Variants in CFAP54 observed in about 807,000 individuals in gnomAD.
The protein encoded by CFAP54 is cilia and flagella associated protein 54.
In CFAP54, 290 loss-of-function variants were observed where a neutral mutation model predicts 370.4. The ratio of observed to expected loss-of-function variants is 0.78; its 90% CI spans 0.71 to 0.86. The LOEUF (loss-of-function observed/expected upper bound fraction) is 0.86, where lower values mean the gene tolerates loss of function less well. CFAP54 is among the 40% of genes least tolerant of loss of function. The probability of loss-of-function intolerance (pLI) is 0.00; values close to 1 mark genes in which losing one functional copy is unlikely to be tolerated. For missense variants in CFAP54, 3,399 were observed against 3,528.7 expected (o/e 0.96, Z 0.93); for synonymous variants, 1,206 against 1,236.5 (o/e 0.98, Z 0.52).
At chr12:96,675,937 T>C (rs1204148985) in intron 39 of CFAP54, among the ~76,000 whole-genome samples, 1 of 150,322 alleles carries the variant, frequency 6.7e-6, no homozygotes, top group African/African-American at 2.5e-5. Context: ...GAGGCCTGTT[T>C]TGGGGTGGGG....
chr12:96,738,030 C>T (rs1394102764), intron 50 of CFAP54, among the ~76,000 whole-genome samples: 2 of 152,070 alleles, frequency 1.3e-5, no homozygotes, highest in African/African-American at 4.8e-5. Context: ...GTGTGGAGAC[C>T]AGGACTGCAA....
At chr12:96,808,860 C>T (rs1267399308) in intron 63 of CFAP54, among the ~76,000 whole-genome samples, 1 of 152,320 alleles carries the variant, frequency 6.6e-6, no homozygotes. Flanking sequence ...ACCATGACTA[C>T]ATTCCCCTTA....
At chr12:96,759,285 G>C in intron 58 of CFAP54, among the ~76,000 whole-genome samples, 1 of 124,934 alleles carries the variant, frequency 8.0e-6, no homozygotes, top group Non-Finnish European at 1.7e-5. Flanking sequence ...TTTATTTCCA[G>C]TAACAGAAAA....
intron 49 of CFAP54, among the ~76,000 whole-genome samples, chr12:96,719,920 CT>C (rs1957728410): frequency 6.6e-6 from 1 of 152,144 alleles, no homozygotes; most frequent in South Asian, 2.1e-4. Flanking sequence ...GAAGTGAGTG[CT>C]ATTGGCTGTG....
At chr12:96,609,075 C>A (rs893394725) in intron 26 of CFAP54, among the ~76,000 whole-genome samples, 2 of 152,128 alleles carry the variant, frequency 1.3e-5, no homozygotes, top group African/African-American at 4.8e-5. Context: ...AATGGGTAGA[C>A]AGTGGTACTG....
chr12:96,505,209 G>GC (rs1212573805), intron 3 of CFAP54, among the ~76,000 whole-genome samples: 1 of 151,508 alleles, frequency 6.6e-6, no homozygotes, highest in East Asian at 1.9e-4. Context: ...GATTACAGGC[G>GC]CATACCACCA....
At chr12:96,665,951 A>G (rs4762318) in intron 39 of CFAP54, among the ~76,000 whole-genome samples, 134,758 of 152,262 alleles carry the variant, frequency 0.89, 59,877 homozygotes, top group East Asian at 0.96. Flanking sequence ...CTATCCATGA[A>G]CATGGAATGT....
chr12:96,616,292 C>G (rs1013854100), intron 26 of CFAP54, among the ~76,000 whole-genome samples: 7 of 151,422 alleles, frequency 4.6e-5, no homozygotes, highest in African/African-American at 1.7e-4. Flanking sequence ...TATTCTCACT[C>G]ATAGGTGGGA....
intron 50 of CFAP54, among the ~76,000 whole-genome samples, chr12:96,736,225 T>G (rs959401482): frequency 6.6e-6 from 1 of 152,172 alleles, no homozygotes; most frequent in Admixed American, 6.5e-5. Flanking sequence ...CCATCTTCTC[T>G]CTTTCAGCAT....
chr12:96,803,194 G>A (rs1016073507), intron 63 of CFAP54, among the ~76,000 whole-genome samples: 1 of 152,174 alleles, frequency 6.6e-6, no homozygotes, highest in Non-Finnish European at 1.5e-5. Flanking sequence ...TATATACCCA[G>A]TAATGGGATT....
chr12:96,616,937 A>G (rs184203583), intron 26 of CFAP54, among the ~76,000 whole-genome samples: 1 of 152,216 alleles, frequency 6.6e-6, no homozygotes, highest in African/African-American at 2.4e-5. Flanking sequence ...TGAGGCAGAG[A>G]TGAGTTCAGA....
chr12:96,715,257 GA>G (rs1957663210), intron 48 of CFAP54, among the ~76,000 whole-genome samples: 1 of 109,568 alleles, frequency 9.1e-6, no homozygotes. Flanking sequence ...TTTCTGGTAT[GA>G]ATTTAAAGTG....
At chr12:96,804,008 A>G (rs751921594) in intron 63 of CFAP54, among the ~76,000 whole-genome samples, 2 of 152,128 alleles carry the variant, frequency 1.3e-5, no homozygotes, top group Non-Finnish European at 2.9e-5. Flanking sequence ...TCAATTCAGA[A>G]TATGAATGAA....
chr12:96,551,405 C>A lies in CFAP54; in HGVS notation c.2155-2777C>A, dbSNP rs78844384. The stretch of plus-strand genomic sequence containing the variant: ...AATGATTTATAACCTTGGGGCCTGC[C>A]CTCAAGTAGGTTTTTAATTTGAATT... On this transcript the variant is annotated intron_variant, in intron 15 of 67. Transcript: ENST00000524981. Among the ~76,000 whole-genome samples the A allele has an allele frequency of 8.4e-4, 127 of 151,654 alleles. 1 individual carries two copies. Among genetic ancestry groups the A allele is most frequent in the African/African-American group, 2.9e-3 (121 of 41,268 alleles).
At chr12:96,612,837 T>C (rs988623574) in intron 26 of CFAP54, among the ~76,000 whole-genome samples, 2 of 152,186 alleles carry the variant, frequency 1.3e-5, no homozygotes, top group Non-Finnish European at 1.5e-5. Context: ...TAAATATATA[T>C]GCACCCAATA....
At chr12:96,604,858 ACCGTT>A (rs1956284193) in intron 26 of CFAP54, among the ~76,000 whole-genome samples, 1 of 152,226 alleles carries the variant, frequency 6.6e-6, no homozygotes, top group Non-Finnish European at 1.5e-5. Flanking sequence ...GCAGAAGTGT[ACCGTT>A]CCTCCAGGTA....
intron 50 of CFAP54, among the ~76,000 whole-genome samples, chr12:96,721,941 G>T (rs1057391651): frequency 1.3e-5 from 2 of 152,270 alleles, no homozygotes; most frequent in East Asian, 3.9e-4. Flanking sequence ...AAATCGTGTG[G>T]TTGTAATAAG....
At chr12:96,682,507 C>G (rs1488597531) in intron 40 of CFAP54, among the ~76,000 whole-genome samples, 1 of 152,072 alleles carries the variant, frequency 6.6e-6, no homozygotes, top group East Asian at 1.9e-4. Flanking sequence ...TCCCAAGCAG[C>G]TGGGACCACA....
At chr12:96,513,361 A>G (rs1257224352) in intron 5 of CFAP54, among the ~76,000 whole-genome samples, 1 of 152,190 alleles carries the variant, frequency 6.6e-6, no homozygotes, top group Non-Finnish European at 1.5e-5. Context: ...AGGTAGGGTG[A>G]CCATCCGTCC....
Sources: allele counts gnomAD v4.1 joint callset (sites outside exome capture counted in the v4.1 genomes callset), GRCh38; gene constraint gnomAD v4.1.1; transcripts MANE v1.5; gene names NCBI Gene and HGNC (gene_info 2026-07-23, HGNC 2026-07-21).